PIK3C2G: variants seen among roughly 807,000 people sequenced by gnomAD.
PIK3C2G encodes phosphatidylinositol 3-kinase C2 domain-containing subunit gamma.
Under a neutral mutation model 181.1 loss-of-function variants are expected in PIK3C2G, and 168 were observed. The ratio of observed to expected loss-of-function variants is 0.93; its 90% CI spans 0.82 to 1.05. The LOEUF is 1.05. Among genes scored for constraint, PIK3C2G ranks in the 50% least tolerant of loss-of-function variants. PIK3C2G has a pLI of 0.00. For synonymous variants in PIK3C2G, 573 were observed against 592.2 expected (o/e 0.97, Z 0.47); for missense variants, 1,869 against 1,732.8 (o/e 1.08, Z -1.40).
chr12:18,491,038 G>T (rs935648184), intron 19 of PIK3C2G, among the ~76,000 whole-genome samples: 17 of 151,984 alleles, frequency 1.1e-4, no homozygotes, highest in African/African-American at 4.1e-4. Flanking sequence ...CTATACTATT[G>T]AGTGTAATTT....
At chr12:18,533,263 A>G (rs1943653545) in intron 24 of PIK3C2G, among the ~76,000 whole-genome samples, 1 of 152,134 alleles carries the variant, frequency 6.6e-6, no homozygotes, top group African/African-American at 2.4e-5. Context: ...CTGCATTTGT[A>G]TGTCTCAAAG....
chr12:18,260,289 T>C (rs550159531), upstream of PIK3C2G, among the ~76,000 whole-genome samples: 7 of 152,164 alleles, frequency 4.6e-5, no homozygotes, highest in South Asian at 1.2e-3. Context: ...TTTAAAGAGA[T>C]TTTTAAGGGT....
downstream of PIK3C2G, among the ~76,000 whole-genome samples, chr12:18,653,034 C>A (rs1486487170): frequency 6.6e-6 from 1 of 152,102 alleles, no homozygotes; most frequent in Non-Finnish European, 1.5e-5. Flanking sequence ...CCCTACCTAT[C>A]ACTCTCATCC....
intron 5 of PIK3C2G, among the ~76,000 whole-genome samples, chr12:18,302,482 G>A (rs1412138202): frequency 6.6e-6 from 1 of 152,156 alleles, no homozygotes; most frequent in Non-Finnish European, 1.5e-5. Flanking sequence ...GAATGTTATG[G>A]GTGGGCAGGG....
intron 1 of PIK3C2G, among the ~76,000 whole-genome samples, chr12:18,281,321 C>T (rs2094058755): frequency 2.5e-5 from 1 of 39,802 alleles, no homozygotes; most frequent in Non-Finnish European, 6.6e-5. Flanking sequence ...CACAGAAAGA[C>T]AGAAATTCCA....
In PIK3C2G at chr12:18,285,564, G is replaced by T. The variant is rs190266903; in HGVS notation, c.679-1283G>T. Among the ~76,000 whole-genome samples the T allele has an allele frequency of 1.4e-4, 22 of 152,024 alleles. No homozygotes were observed. In the East Asian group the frequency reaches 4.1e-3, roughly 28 times the overall value. ...ACTATTTGACAATAATAACATAATG[G>T]GTGGAAGGGGTTAAATGTTATTTTG... On this transcript the variant is annotated intron_variant, in intron 2 of 32. Transcript: ENST00000538779.
At chr12:18,265,543 A>C (rs1257574016) in intron 1 of PIK3C2G, among the ~76,000 whole-genome samples, 1 of 152,112 alleles carries the variant, frequency 6.6e-6, no homozygotes, top group Non-Finnish European at 1.5e-5. Context: ...TTATGTAAAA[A>C]TTTCAATAAA....
intron 11 of PIK3C2G, among the ~76,000 whole-genome samples, chr12:18,356,967 G>T (rs1940798501): frequency 2.0e-5 from 3 of 152,010 alleles, no homozygotes; most frequent in Admixed American, 2.0e-4. Context: ...TGAGGGTGAG[G>T]CTTTGCCAGG....
intron 16 of PIK3C2G, among the ~76,000 whole-genome samples, chr12:18,409,817 T>C (rs1944754145): frequency 6.6e-6 from 1 of 152,140 alleles, no homozygotes. Flanking sequence ...CTCATGGTTT[T>C]GTAGGCTATA....
chr12:18,366,191 C>G (rs1941630018), intron 12 of PIK3C2G, among the ~76,000 whole-genome samples: 1 of 152,164 alleles, frequency 6.6e-6, no homozygotes, highest in Admixed American at 6.5e-5. Context: ...AAAATACTTG[C>G]AATGGTCTAT....
At chr12:18,459,983 T>C (rs1045423462) in intron 18 of PIK3C2G, among the ~76,000 whole-genome samples, 1 of 152,200 alleles carries the variant, frequency 6.6e-6, no homozygotes, top group African/African-American at 2.4e-5. Flanking sequence ...CAGGCTGGTC[T>C]CAAACTCCTG....
chr12:18,596,627 G>T (rs1947379366), intron 30 of PIK3C2G, among the ~76,000 whole-genome samples: 1 of 152,120 alleles, frequency 6.6e-6, no homozygotes, highest in South Asian at 2.1e-4. Flanking sequence ...GGGTTAAGAG[G>T]ATGAGTTAAT....
intron 5 of PIK3C2G, among the ~76,000 whole-genome samples, chr12:18,297,345 A>T (rs1001409029): frequency 2.0e-5 from 3 of 151,998 alleles, no homozygotes; most frequent in African/African-American, 7.2e-5. Flanking sequence ...AATCCTAACC[A>T]AAAAACCACT....
At chr12:18,403,095 A>G (rs1166924665) in intron 16 of PIK3C2G, among the ~76,000 whole-genome samples, 1 of 152,176 alleles carries the variant, frequency 6.6e-6, no homozygotes, top group Admixed American at 6.5e-5. Context: ...CATATGAAAT[A>G]TCTTGGCTAT....
chr12:18,723,657 C>T, the PIK3C2G span: 1 of 869,746 alleles, frequency 1.1e-6, no homozygotes, highest in Non-Finnish European at 1.8e-6. Context: ...ATGAAAATTA[C>T]ATTGGATTCT....
At chr12:18,283,067 A>T (rs577839519) in intron 2 of PIK3C2G, among the ~76,000 whole-genome samples, 37 of 152,276 alleles carry the variant, frequency 2.4e-4, no homozygotes, top group African/African-American at 8.9e-4. Flanking sequence ...TTGAAGGTTT[A>T]ACTGATAATA....
Position 18,497,715 on chromosome 12 carries a change from A to T in PIK3C2G, c.2983A>T (p.Ile995Phe). The change falls in exon 22 of 33, where the codon ATT becomes TTT. Residue 995 changes from isoleucine to phenylalanine, a missense_variant. Coordinates refer to ENST00000538779, the MANE Select transcript of PIK3C2G (RefSeq NM_001288772.2). Reference protein sequence around the residue: ...LQEGLDMQMIIYRCLSTGKDQ... With the variant: ...LQEGLDMQMIFYRCLSTGKDQ... ...GGAAGGCTTGGATATGCAAATGATCATTTATAGATGTCTATCCACAGGAAA... is the reference window on the plus strand; with the variant it reads ...GGAAGGCTTGGATATGCAAATGATCTTTTATAGATGTCTATCCACAGGAAA... The T allele has an allele frequency of 6.2e-7, 1 of 1,612,526 alleles. No individual in the cohort carries two copies. The highest frequency in any genetic ancestry group is 2.2e-5 in the East Asian group (1 of 44,800).
the PIK3C2G span, among the ~76,000 whole-genome samples, chr12:18,707,476 C>A: frequency 4.6e-5 from 7 of 152,100 alleles, no homozygotes; most frequent in Non-Finnish European, 8.8e-5. Flanking sequence ...TCTTCCCTGG[C>A]CACATTGAAA....
At chr12:18,516,565 A>T (rs1942560645) in intron 24 of PIK3C2G, among the ~76,000 whole-genome samples, 2 of 151,908 alleles carry the variant, frequency 1.3e-5, no homozygotes, top group South Asian at 4.1e-4. Flanking sequence ...TGCTTCCTAG[A>T]CCTTTTTCTC....
Sources: allele counts gnomAD v4.1 joint callset (sites outside exome capture counted in the v4.1 genomes callset), GRCh38; gene constraint gnomAD v4.1.1; transcripts MANE v1.5; gene names NCBI Gene and HGNC (gene_info 2026-07-23, HGNC 2026-07-21).